RSU1: variants seen among roughly 807,000 people sequenced by gnomAD.
The protein encoded by RSU1 is rsu-1.
RSU1 carries 26 observed loss-of-function variants against 31.1 expected under a neutral mutation model. That is an observed-to-expected ratio of 0.84 (90% CI 0.61 to 1.16). The LOEUF (loss-of-function observed/expected upper bound fraction) is 1.16. Ranked by LOEUF, RSU1 falls within the 50% of genes most tolerant of loss-of-function variation. RSU1 has a pLI of 0.00. For synonymous variants in RSU1, 164 were observed against 136.3 expected (o/e 1.20, Z -1.41); for missense variants, 320 against 339.1 (o/e 0.94, Z 0.44).
At chr10:16,657,822 A>G (rs1834815815) in intron 8 of RSU1, among the ~76,000 whole-genome samples, 1 of 151,976 alleles carries the variant, frequency 6.6e-6, no homozygotes, top group Admixed American at 6.6e-5. Flanking sequence ...GTGAAACCCG[A>G]TCTCTACTAA....
chr10:16,745,191 G>A (rs111988527), intron 7 of RSU1, among the ~76,000 whole-genome samples: 1 of 152,142 alleles, frequency 6.6e-6, no homozygotes, highest in Non-Finnish European at 1.5e-5. Flanking sequence ...CACTGTGCCC[G>A]TATGTGTATG....
chr10:16,708,170 T>C (rs1178466359), intron 7 of RSU1, among the ~76,000 whole-genome samples: 1 of 152,202 alleles, frequency 6.6e-6, no homozygotes, highest in Non-Finnish European at 1.5e-5. Context: ...AAAAAACTAT[T>C]AATAGCCTAC....
intron 2 of RSU1, among the ~76,000 whole-genome samples, chr10:16,789,004 C>T (rs1194169670): frequency 1.3e-5 from 2 of 152,154 alleles, no homozygotes; most frequent in Non-Finnish European, 2.9e-5. Context: ...CTCCCATCTT[C>T]CCTTAATTTC....
chr10:16,746,773 T>C (rs549707688), intron 7 of RSU1, among the ~76,000 whole-genome samples: 1 of 150,692 alleles, frequency 6.6e-6, no homozygotes, highest in Non-Finnish European at 1.5e-5. Flanking sequence ...ATTTTTATCC[T>C]CTCTACTAAT....
At chr10:16,715,098 T>G (rs910274019) in intron 7 of RSU1, among the ~76,000 whole-genome samples, 21 of 152,216 alleles carry the variant, frequency 1.4e-4, no homozygotes, top group African/African-American at 4.8e-4. Context: ...GTCCTGGCCT[T>G]CCATGCACCA....
intron 8 of RSU1, among the ~76,000 whole-genome samples, chr10:16,606,150 C>T (rs953758738): frequency 7.2e-5 from 11 of 152,192 alleles, no homozygotes; most frequent in African/African-American, 2.7e-4. Flanking sequence ...CTCTTGCGGA[C>T]ACTTTTGTAC....
At chr10:16,798,839 G>A (rs1588543242) in intron 2 of RSU1, among the ~76,000 whole-genome samples, 1 of 151,632 alleles carries the variant, frequency 6.6e-6, no homozygotes, top group Non-Finnish European at 1.5e-5. Context: ...CTTTATGCCA[G>A]AAGAAATAGA....
intron 6 of RSU1, 29 bp from the exon 7 acceptor site, chr10:16,752,682 T>A (rs1339629565): frequency 1.3e-6 from 2 of 1,517,644 alleles, no homozygotes; most frequent in South Asian, 2.3e-5. Context: ...GTTGTCAACA[T>A]ATTTACACAT....
chr10:16,664,372 T>C (rs1194171010), intron 8 of RSU1, among the ~76,000 whole-genome samples: 2 of 152,176 alleles, frequency 1.3e-5, no homozygotes, highest in Non-Finnish European at 2.9e-5. Context: ...CTTAGGTATG[T>C]GGAAAGATAT....
rs144795668 is a variant in RSU1, at chr10:16,688,769, G to C, written c.731+6254C>G. Among the ~76,000 whole-genome samples, 1,069 of 152,292 alleles carry C rather than the reference G, an allele frequency of 7.0e-3. 4 individuals are homozygous for C. The highest frequency in any genetic ancestry group is 0.012 in the Non-Finnish European group (807 of 68,022). On this transcript the variant is annotated intron_variant, in intron 8 of 8. Coordinates refer to ENST00000345264, the MANE Select transcript of RSU1 (RefSeq NM_012425.4). ...TAATCTCAGCGCTTTGAAAGGCTGA[G>C]GCAGGAAAATCTCTTGAGGCCAGGG... is the stretch of plus-strand genomic sequence containing the variant.
chr10:16,735,774 T>C lies in RSU1; in HGVS notation c.598+16765A>G, dbSNP rs549353456. On this transcript the variant is annotated intron_variant, in intron 7 of 8. Transcript: ENST00000345264. ...CATCAGAGCTTGTAAGAACTCACTA[T>C]CACAAGAACAGAAGCATGGACTAAC... Among the ~76,000 whole-genome samples the C allele has an allele frequency of 8.5e-5, 13 of 152,200 alleles. No individual in the cohort carries two copies. In the East Asian group the frequency reaches 2.5e-3, roughly 29 times the overall value.
At chr10:16,664,221 CAGATCA>C (rs1398233514) in intron 8 of RSU1, among the ~76,000 whole-genome samples, 1 of 152,158 alleles carries the variant, frequency 6.6e-6, no homozygotes, top group African/African-American at 2.4e-5. Context: ...AGGGAAATTA[CAGATCA>C]CTCCACGGAT....
chr10:16,672,087 A>T (rs191876112), intron 8 of RSU1, among the ~76,000 whole-genome samples: 17 of 149,706 alleles, frequency 1.1e-4, no homozygotes, highest in Admixed American at 2.0e-4. Flanking sequence ...TCATGAGGTC[A>T]GGAGACTGAG....
chr10:16,595,421 G>A (rs770749589), intron 8 of RSU1, among the ~76,000 whole-genome samples: 4 of 152,186 alleles, frequency 2.6e-5, no homozygotes, highest in South Asian at 2.1e-4. Flanking sequence ...TCACTCTCAC[G>A]GAGTGTAGAA....
intron 8 of RSU1, among the ~76,000 whole-genome samples, chr10:16,613,563 A>G (rs905333486): frequency 2.0e-5 from 3 of 152,214 alleles, no homozygotes; most frequent in Non-Finnish European, 4.4e-5. Context: ...AGAATAAAAT[A>G]TTACAAAAAT....
intron 7 of RSU1, among the ~76,000 whole-genome samples, chr10:16,720,994 T>C (rs1836248225): frequency 6.6e-6 from 1 of 152,050 alleles, no homozygotes; most frequent in African/African-American, 2.4e-5. Context: ...CTCACATAAA[T>C]AAATAAATAA....
At chr10:16,807,806 G>A (rs1838305612) in intron 2 of RSU1, among the ~76,000 whole-genome samples, 1 of 151,912 alleles carries the variant, frequency 6.6e-6, no homozygotes, top group African/African-American at 2.4e-5. Flanking sequence ...GGCGGATCAT[G>A]ATGTCAGGAG....
At chr10:16,749,941 G>A (rs562393428) in intron 7 of RSU1, among the ~76,000 whole-genome samples, 2 of 152,236 alleles carry the variant, frequency 1.3e-5, no homozygotes, top group South Asian at 4.1e-4. Flanking sequence ...CAGGAAGCTG[G>A]ACCCAGAGGA....
intron 8 of RSU1, among the ~76,000 whole-genome samples, chr10:16,690,927 C>T (rs1050098029): frequency 2.0e-4 from 31 of 151,906 alleles, no homozygotes; most frequent in African/African-American, 7.3e-4. Flanking sequence ...AATACACATC[C>T]GCAACACACA....
Sources: gnomAD v4.1 joint callset for allele counts (sites outside exome capture counted in the v4.1 genomes callset) on GRCh38, gnomAD v4.1.1 for gene constraint, MANE v1.5 for transcripts, NCBI Gene and HGNC (gene_info 2026-07-23, HGNC 2026-07-21) for gene names.